SDHA: variants seen among roughly 807,000 people sequenced by gnomAD.
SDHA encodes succinate dehydrogenase complex flavoprotein subunit A, also known as succinate dehydrogenase [ubiquinone] flavoprotein subunit, mitochondrial.
SDHA carries 48 observed loss-of-function variants against 78.4 expected under a neutral mutation model. That is an observed-to-expected ratio of 0.61 (90% confidence interval 0.49 to 0.78). The LOEUF (loss-of-function observed/expected upper bound fraction) is 0.78, where lower values mean the gene tolerates loss of function less well. Ranked by LOEUF, SDHA falls within the 30% of genes least tolerant of loss-of-function variation. SDHA has a pLI of 0.00. For synonymous variants in SDHA, 326 were observed against 353.9 expected (o/e 0.92, Z 0.88); for missense variants, 680 against 892.7 (o/e 0.76, Z 3.04).
At chr5:259,917 C>T (rs1579454561), downstream of SDHA, among the ~76,000 whole-genome samples, 6 of 34,752 alleles carry the variant, frequency 1.7e-4, no homozygotes, top group African/African-American at 2.1e-4. Flanking sequence ...CTCCGCCTCC[C>T]GTCAGAGCAT....
intron 11 of SDHA, among the ~76,000 whole-genome samples, chr5:246,474 C>G (rs1171382794): frequency 6.6e-6 from 1 of 152,108 alleles, no homozygotes. Flanking sequence ...CCGTAAAGCT[C>G]AAATCAATAG....
chr5:246,357 T>C (rs1736459066), intron 11 of SDHA, among the ~76,000 whole-genome samples: 2 of 149,284 alleles, frequency 1.3e-5, no homozygotes, highest in Admixed American at 1.3e-4. Flanking sequence ...ATAGAATCGA[T>C]CCAGAGAAGA....
chr5:226,265 A>G (rs1735019532), intron 5 of SDHA, among the ~76,000 whole-genome samples: 1 of 151,250 alleles, frequency 6.6e-6, no homozygotes, highest in Non-Finnish European at 1.5e-5. Flanking sequence ...TCTTGCATCT[A>G]TGTCAGAAAG....
At chr5:225,711 C>G (rs779223360) in intron 4 of SDHA, 149 bp downstream of exon 4, 74 of 1,343,002 alleles carry the variant, frequency 5.5e-5, no homozygotes, top group Non-Finnish European at 7.8e-5. Context: ...CCGTTATGAA[C>G]TATGCATTAT....
At chr5:220,276 T>A (rs1486374885) in intron 1 of SDHA, 2 of 454,040 alleles carry the variant, frequency 4.4e-6, no homozygotes, top group Non-Finnish European at 8.9e-6. Context: ...CGAAAGCAGT[T>A]TAATCAGAGG....
chr5:236,100 C>T lies in SDHA; in HGVS notation c.1261-328C>T, dbSNP rs528391026. 2.1e-3 allele frequency: 814 copies of T among 386,708 alleles called. 7 individuals are homozygous for T. Among genetic ancestry groups the T allele is most frequent in the African/African-American group, 0.015 (743 of 48,226 alleles). The allele number at this position is 386,708 out of a possible 1,614,324, so 24.0% of individuals were successfully genotyped here. ...AGAGCAGTGGTGCGATCTCAGCTCA[C>T]TGCAACCTCTGCCTCCCAGGTTCAA... On this transcript the variant is annotated intron_variant, in intron 9 of 14. Transcript: ENST00000264932.
chr5:230,119 A>G (rs1395883775), intron 6 of SDHA, among the ~76,000 whole-genome samples: 1 of 152,258 alleles, frequency 6.6e-6, no homozygotes. Flanking sequence ...GGATAATTGT[A>G]TGAGGTGATA....
At chr5:224,155 A>G (rs549521964) in intron 2 of SDHA, among the ~76,000 whole-genome samples, 88 of 152,320 alleles carry the variant, frequency 5.8e-4, no homozygotes, top group African/African-American at 2.0e-3. Context: ...TACCATTCGT[A>G]GAATCTGATT....
the SDHA span, among the ~76,000 whole-genome samples, chr5:266,591 C>T: frequency 6.6e-5 from 10 of 152,258 alleles, no homozygotes; most frequent in Non-Finnish European, 1.2e-4. Flanking sequence ...TTAAAGTGAA[C>T]CCATGTGTGT....
rs996865414 is a variant in SDHA at position 225,825 on chromosome 5, G to A, written c.457-58G>A. 1.9e-6 allele frequency: 3 copies of A among 1,596,472 alleles called. No homozygotes were observed. In the African/African-American group the frequency reaches 4.0e-5, roughly 21 times the overall value. On this transcript the variant is annotated intron_variant, in intron 4 of 14. Coordinates refer to ENST00000264932, the MANE Select transcript of SDHA (RefSeq NM_004168.4). ...TAAACTTGTTTAGTGTAGATTAGCT[G>A]CGAATATCTTGACTCCTTTAAGGTG... is the stretch of plus-strand genomic sequence containing the variant.
downstream of SDHA, among the ~76,000 whole-genome samples, chr5:257,272 A>G (rs185846078): frequency 2.0e-5 from 3 of 152,108 alleles, no homozygotes; most frequent in Non-Finnish European, 4.4e-5. Context: ...CCTGTTAGGA[A>G]CCAGGCCGCA....
intron 11 of SDHA, 96 bp downstream of exon 11, chr5:240,572 G>C (rs1160165379): frequency 2.4e-6 from 2 of 818,204 alleles, no homozygotes; most frequent in East Asian, 5.0e-5. Context: ...GGGGGATGCA[G>C]GTGCAGTTTT....
intron 11 of SDHA, among the ~76,000 whole-genome samples, chr5:245,024 C>T (rs1736361950): frequency 6.6e-6 from 1 of 152,176 alleles, no homozygotes; most frequent in South Asian, 2.1e-4. Flanking sequence ...GTTAAGCTTC[C>T]AGAACCTATA....
At position 241,430 on chromosome 5, in the gene SDHA, C is replaced by A. The variant is rs1164203324; in HGVS notation, c.1551+954C>A. Among the ~76,000 whole-genome samples, 3 of 152,298 alleles carry A rather than the reference C, an allele frequency of 2.0e-5. No homozygotes were observed. The East Asian group carries it at 5.8e-4, about 29-fold the overall frequency. ...ACTTGTTGCTGCCTCTAAATATACT[C>A]GGAAGAGAGGGAGAGTGGGCGGCAG... On this transcript the variant is annotated intron_variant, in intron 11 of 14. Transcript: ENST00000264932.
chr5:233,578 G>T lies in SDHA; in HGVS notation c.997G>T (p.Val333Phe). Reference sequence around the variant, plus strand: ...AAGGTTTATGGAGCGATACGCCCCTGTCGCGAAGGACCTGGCGTCTAGAGA... The same window carrying T: ...AAGGTTTATGGAGCGATACGCCCCTTTCGCGAAGGACCTGGCGTCTAGAGA... ...GERFMERYAP[V>F]AKDLASRDVV... Residue 333 changes from valine to phenylalanine, a missense_variant, in exon 8 of 15, where the codon GTC becomes TTC. By Grantham distance (50) the Val-to-Phe change is conservative. Coordinates refer to ENST00000264932, the MANE Select transcript of SDHA (RefSeq NM_004168.4). 1.9e-6 allele frequency: 3 copies of T among 1,614,222 alleles called. No homozygotes were observed. The highest frequency in any genetic ancestry group is 2.5e-6 in the Non-Finnish European group (3 of 1,180,044).
chr5:237,914 G>GCGGAGTTCAGGTCCATCGTTCCGC (rs1246415294), intron 10 of SDHA, among the ~76,000 whole-genome samples: 1 of 136,100 alleles, frequency 7.3e-6, no homozygotes, highest in East Asian at 1.9e-4. Context: ...ATCGGCGAAG[G>GCGGAGTTCAGGTCCATCGTTCCGC]CGGAGTTCAG....
At chr5:225,147 C>A (rs900373775) in intron 3 of SDHA, among the ~76,000 whole-genome samples, 9 of 152,222 alleles carry the variant, frequency 5.9e-5, no homozygotes, top group African/African-American at 2.2e-4. Context: ...CTTTCACTCA[C>A]TGCTCCAGTC....
intron 6 of SDHA, among the ~76,000 whole-genome samples, chr5:229,415 T>C (rs1045971902): frequency 1.3e-5 from 2 of 152,218 alleles, no homozygotes; most frequent in Admixed American, 6.5e-5. Context: ...TGAATATTAT[T>C]CGGCTATGAA....
chr5:262,351 G>C, the SDHA span, among the ~76,000 whole-genome samples: 344 of 31,256 alleles, frequency 0.011, 53 homozygotes, highest in African/African-American at 0.055. Flanking sequence ...CCGCCTCCCG[G>C]CAGAGCATTA....
Sources: gnomAD v4.1 joint callset for allele counts (sites outside exome capture counted in the v4.1 genomes callset) on GRCh38, gnomAD v4.1.1 for gene constraint, MANE v1.5 for transcripts, NCBI Gene and HGNC (gene_info 2026-07-23, HGNC 2026-07-21) for gene names.